Variants in ALG1 observed in about 807,000 individuals in gnomAD.
ALG1 encodes the protein ALG1 chitobiosyldiphosphodolichol beta-mannosyltransferase, also known as chitobiosyldiphosphodolichol beta-mannosyltransferase.
A neutral mutation model predicts 55.1 loss-of-function variants in ALG1; 58 were observed. The ratio of observed to expected loss-of-function variants is 1.05; its 90% CI spans 0.85 to 1.31. The LOEUF (loss-of-function observed/expected upper bound fraction) is 1.31. Among genes scored for constraint, ALG1 ranks in the 50% most tolerant of loss-of-function variants. The probability of loss-of-function intolerance (pLI) is 0.00; values close to 1 mark genes in which losing one functional copy is unlikely to be tolerated. For missense variants in ALG1, 761 were observed against 598.6 expected (o/e 1.27, Z -2.83); for synonymous variants, 309 against 247.0 (o/e 1.25, Z -2.35).
chr16:5,076,730 G>T (rs1016570568), intron 4 of ALG1, among the ~76,000 whole-genome samples: 1 of 151,718 alleles, frequency 6.6e-6, no homozygotes, highest in Non-Finnish European at 1.5e-5. Context: ...TGACCTTACA[G>T]CCTTTGCAGT....
At position 5,083,731 on chromosome 16, in the gene ALG1, T is replaced by G. The variant is rs760301070; in HGVS notation, c.1237T>G (p.Ser413Ala). Residue 413 changes from serine (S) to alanine (A), a missense_variant, in exon 12 of 13, where the codon TCA becomes GCA. Coordinates refer to ENST00000262374, the MANE Select transcript of ALG1 (RefSeq NM_019109.5). ...HEENGLVFED[S>A]EELAAQLQML... Reference sequence around the variant, plus strand: ...AGAAAATGGCCTGGTCTTTGAGGACTCAGAGGAACTGGCAGCTCAGCTGCA... The same window carrying G: ...AGAAAATGGCCTGGTCTTTGAGGACGCAGAGGAACTGGCAGCTCAGCTGCA... The G allele has an allele frequency of 1.3e-6, 2 of 1,598,156 alleles. No individual in the cohort carries two copies. The highest frequency in any genetic ancestry group is 1.7e-6 in the Non-Finnish European group (2 of 1,179,774).
Position 5,084,830 on chromosome 16 carries a change from A to G in ALG1, c.1344A>G (p.Arg448=), listed in dbSNP as rs1397097240. 3.1e-6 allele frequency: 5 copies of G among 1,596,318 alleles called. No individual in the cohort carries two copies. Among genetic ancestry groups the G allele is most frequent in the Non-Finnish European group, 4.2e-6 (5 of 1,179,768 alleles). Residue 448 remains arginine, a synonymous_variant, in exon 13 of 13, where the codon CGA becomes CGG. Coordinates refer to ENST00000262374, the MANE Select transcript of ALG1 (RefSeq NM_019109.5). Reference sequence around the variant, plus strand: ...ACCTGCGGGAGTCGCAGCAGCTCCGATGGGATGAGAGCTGGGTGCAGACTG... The same window carrying G: ...ACCTGCGGGAGTCGCAGCAGCTCCGGTGGGATGAGAGCTGGGTGCAGACTG... ...RKNLRESQQL[R]WDESWVQTVL...
rs1957214153 is a variant in ALG1 at position 5,087,251 on chromosome 16, T to C, written c.*2370T>C. 6.6e-6 allele frequency: 1 copy of C among 152,232 alleles called. No individual in the cohort carries two copies. The highest frequency in any genetic ancestry group is 1.5e-5 in the Non-Finnish European group (1 of 68,044). 9.4% of individuals were successfully genotyped at this position (152,232 alleles called of 1,614,324 possible). A position where few individuals can be genotyped will look rare whatever the true frequency, so the allele number is the denominator to read the frequency against. On this transcript the variant is annotated 3_prime_UTR_variant, in exon 13 of 13. Coordinates refer to ENST00000262374, the MANE Select transcript of ALG1 (RefSeq NM_019109.5). ...AATCACAAAAAAACCTCGTACTGTT[T>C]GAAGAAAGTTTACAGATTTGCGTTG...
In ALG1 at chr16:5,072,952, C is replaced by T. The variant is rs1376984579; in HGVS notation, c.210C>T (p.Asn70=). 4 of 1,614,062 alleles carry T rather than the reference C, an allele frequency of 2.5e-6. No homozygotes were observed. The African/African-American group carries it at 4.0e-5, about 16-fold the overall frequency. The change falls in exon 2 of 13, where the codon AAC becomes AAT. Residue 70 remains asparagine, a splice_region_variant and synonymous_variant. Transcript: ENST00000262374. ...GFSVTLLGFC[N]SKPHDELLQN... is the part of the protein sequence containing the mutation. ...AAAGGGATCATTCTCATTTTTCAGA[C>T]TCCAAACCCCATGATGAGCTCTTGC...
intron 5 of ALG1, 83 bp from the exon 6 acceptor site, chr16:5,077,824 T>C: frequency 1.5e-6 from 2 of 1,332,700 alleles, no homozygotes; most frequent in Non-Finnish European, 2.1e-6. Flanking sequence ...CCAAGCGTCC[T>C]TCTTTTCCTG....
chr16:5,077,878 C>T (rs746779039), intron 5 of ALG1, 29 bp from the exon 6 acceptor site: 3 of 1,602,854 alleles, frequency 1.9e-6, no homozygotes, highest in Middle Eastern at 2.3e-4. Context: ...TTCAGCCCTC[C>T]CAATAGCCCC....
intron 2 of ALG1, 37 bp from the exon 3 acceptor site, chr16:5,073,116 G>C (rs760921776): frequency 1.2e-6 from 2 of 1,612,328 alleles, no homozygotes; most frequent in Non-Finnish European, 1.7e-6. Context: ...ATTGCCAGAC[G>C]CTCCTTTGGT....
At position 5,087,108 on chromosome 16, in the gene ALG1, A is replaced by G. The variant is rs774484220; in HGVS notation, c.*2227A>G. ...CCAAGGATGGCACCTGTTAATGTGT[A>G]TATCAGGGATGTCCAATCTTTTGGC... On this transcript the variant is annotated 3_prime_UTR_variant, in exon 13 of 13. Coordinates refer to ENST00000262374, the MANE Select transcript of ALG1 (RefSeq NM_019109.5). 2 of 152,218 alleles carry G rather than the reference A, an allele frequency of 1.3e-5. No individual in the cohort carries two copies. The highest frequency in any genetic ancestry group is 6.5e-5 in the Admixed American group (1 of 15,274). 9.4% of individuals were successfully genotyped at this position (152,218 alleles called of 1,614,324 possible).
chr16:5,082,528 A>G (rs753767485), intron 10 of ALG1, 31 bp from the exon 11 acceptor site: 5 of 1,604,448 alleles, frequency 3.1e-6, no homozygotes, highest in Non-Finnish European at 4.3e-6. Context: ...GGCAGAGACC[A>G]GTGCTCTGAC....
chr16:5,072,208 TC>T, intron 1 of ALG1, 151 bp downstream of exon 1: 1 of 1,534,232 alleles, frequency 6.5e-7, no homozygotes, highest in South Asian at 1.2e-5. Context: ...CCCCAGCCTT[TC>T]CTGGGTGGGT....
At chr16:5,073,092 G>C (rs1389435948) in intron 2 of ALG1, 61 bp from the exon 3 acceptor site, 1 of 1,612,718 alleles carries the variant, frequency 6.2e-7, no homozygotes, top group African/African-American at 1.3e-5. Flanking sequence ...GTGTTCGTTT[G>C]AAAAGCCGTG....
At position 5,071,871 on chromosome 16, in the gene ALG1, C is replaced by G. The variant is rs144712188; in HGVS notation, c.22C>G (p.Leu8Val). The G allele has an allele frequency of 1.2e-6, 2 of 1,604,638 alleles. No individual in the cohort carries two copies. Among genetic ancestry groups the G allele is most frequent in the South Asian group, 1.1e-5 (1 of 90,386 alleles). ...CAAGATGGCGGCCTCATGCTTGGTC[C>G]TGCTGGCGCTGTGTCTGCTGCTGCC... MAASCLV[L>V]LALCLLLPLL... Residue 8 changes from leucine to valine, a missense_variant, in exon 1 of 13, where the codon CTG (leucine) becomes GTG (valine). Physicochemically the swap from Leu to Val is conservative, Grantham distance 32. Transcript: ENST00000262374.
intron 12 of ALG1, 73 bp from the exon 13 acceptor site, chr16:5,084,677 G>A: frequency 6.3e-7 from 1 of 1,593,062 alleles, no homozygotes; most frequent in Non-Finnish European, 8.5e-7. Context: ...GGGACCTGGG[G>A]TCAGCCAGGT....
At chr16:5,083,970 C>A (rs1164673935) in intron 12 of ALG1, among the ~76,000 whole-genome samples, 3 of 152,140 alleles carry the variant, frequency 2.0e-5, no homozygotes, top group South Asian at 2.1e-4. Flanking sequence ...CCCCCACCTG[C>A]CCTCTGGATT....
intron 2 of ALG1, 52 bp from the exon 3 acceptor site, chr16:5,073,101 T>C: frequency 6.2e-7 from 1 of 1,612,458 alleles, no homozygotes. Context: ...TGAAAAGCCG[T>C]GCAGATTGCC....
At chr16:5,073,095 A>G in intron 2 of ALG1, 58 bp from the exon 3 acceptor site, 1 of 1,612,702 alleles carries the variant, frequency 6.2e-7, no homozygotes, top group Middle Eastern at 1.7e-4. Flanking sequence ...TTCGTTTGAA[A>G]AGCCGTGCAG....
chr16:5,084,459 A>G (rs1168124212), intron 12 of ALG1: 4 of 566,120 alleles, frequency 7.1e-6, no homozygotes, highest in Non-Finnish European at 1.3e-5. Context: ...TGCGTTGGCC[A>G]GAGGCCGAGA....
chr16:5,085,040 C>CTT lies in ALG1; in HGVS notation c.*159_*160insTT. The CTT allele has an allele frequency of 1.4e-6, 2 of 1,383,344 alleles. No homozygotes were observed. Among genetic ancestry groups the CTT allele is most frequent in the Non-Finnish European group, 9.9e-7 (1 of 1,010,308 alleles). 85.7% of individuals were successfully genotyped at this position (1,383,344 alleles called of 1,614,324 possible). ...TGGTAAAAGAATTGGTTCTGTGACC[C>CTT]GGGAAGCTTTGGTTGGCCTTGATTT... On this transcript the variant is annotated 3_prime_UTR_variant, in exon 13 of 13. Coordinates refer to ENST00000262374, the MANE Select transcript of ALG1 (RefSeq NM_019109.5).
At chr16:5,083,828 C>T (rs533380701) in intron 12 of ALG1, 71 bp downstream of exon 12, 10 of 1,594,576 alleles carry the variant, frequency 6.3e-6, no homozygotes, top group African/African-American at 4.0e-5. Context: ...GCTCCCTGAT[C>T]CCTGCTTCCC....
Sources: allele counts gnomAD v4.1 joint callset (sites outside exome capture counted in the v4.1 genomes callset), GRCh38; gene constraint gnomAD v4.1.1; transcripts MANE v1.5; gene names NCBI Gene and HGNC (gene_info 2026-07-23, HGNC 2026-07-21).